Variants in WIPF3 observed in about 807,000 individuals in gnomAD.
The protein encoded by WIPF3 is WAS/WASL-interacting protein family member 3.
Under a neutral mutation model 38.9 loss-of-function variants are expected in WIPF3, and 33 were observed. The observed-to-expected ratio is 0.85, with a 90% CI of 0.64 to 1.14. The LOEUF (loss-of-function observed/expected upper bound fraction) is 1.14, where lower values mean the gene tolerates loss of function less well. Ranked by LOEUF, WIPF3 falls within the 50% of genes most tolerant of loss-of-function variation. WIPF3 has a pLI of 0.00. For missense variants in WIPF3, 711 were observed against 652.5 expected (o/e 1.09, Z -0.98); for synonymous variants, 324 against 269.3 (o/e 1.20, Z -1.99).
chr7:29,876,045 G>T, intron 3 of WIPF3, 83 bp downstream of exon 3: 1 of 1,538,838 alleles, frequency 6.5e-7, no homozygotes, highest in East Asian at 2.3e-5. Flanking sequence ...CCTGGCTGGG[G>T]CCACAGCTGC....
intron 7 of WIPF3, among the ~76,000 whole-genome samples, chr7:29,896,623 A>T (rs565319796): frequency 4.5e-4 from 69 of 151,962 alleles, no homozygotes; most frequent in African/African-American, 1.3e-3. Context: ...CAAAAAAAAA[A>T]TTTTTTTTTA....
At chr7:29,808,540 G>A (rs943489273) in intron 1 of WIPF3, among the ~76,000 whole-genome samples, 1 of 152,180 alleles carries the variant, frequency 6.6e-6, no homozygotes, top group Non-Finnish European at 1.5e-5. Flanking sequence ...ACCTGAATCG[G>A]GGCAGAGCGG....
intron 2 of WIPF3, among the ~76,000 whole-genome samples, chr7:29,841,634 A>G (rs1000779766): frequency 1.3e-5 from 2 of 152,134 alleles, no homozygotes; most frequent in Non-Finnish European, 2.9e-5. Context: ...AACATGGTGA[A>G]ACCCCATCTC....
At chr7:29,898,784 T>C (rs1470832273) in intron 7 of WIPF3, among the ~76,000 whole-genome samples, 1 of 152,226 alleles carries the variant, frequency 6.6e-6, no homozygotes, top group African/African-American at 2.4e-5. Flanking sequence ...CTTTATTTGA[T>C]CAATTTCTTT....
At position 29,879,690 on chromosome 7, in the gene WIPF3, C is replaced by A. The variant is rs79668147; in HGVS notation, c.355+550C>A. Among the ~76,000 whole-genome samples the A allele has an allele frequency of 1.2e-4, 18 of 152,294 alleles. No homozygotes were observed. The East Asian group carries it at 3.5e-3, about 29-fold the overall frequency. The stretch of plus-strand genomic sequence containing the variant: ...ACTGCAGGTTGTGTAGGTAGCTTTG[C>A]TAATCTTATATTTCTCATATTTTTC... On this transcript the variant is annotated intron_variant, in intron 4 of 8. Transcript: ENST00000242140.
At chr7:29,834,622 A>G (rs765294819) in intron 1 of WIPF3, 46 bp from the exon 2 acceptor site, 4 of 1,381,214 alleles carry the variant, frequency 2.9e-6, no homozygotes, top group Middle Eastern at 1.9e-4. Context: ...TCCTGCATGT[A>G]AGTAAAGAAA....
chr7:29,886,433 T>A (rs1354112929), intron 5 of WIPF3, among the ~76,000 whole-genome samples: 2 of 139,226 alleles, frequency 1.4e-5, no homozygotes, highest in African/African-American at 5.3e-5. Context: ...CTCAGCTCAC[T>A]GCAACCTTCG....
chr7:29,884,517 T>G lies in WIPF3; in HGVS notation c.1023T>G (p.Gly341=), dbSNP rs781229843. The G allele has an allele frequency of 2.5e-6, 4 of 1,578,286 alleles. No homozygotes were observed. In the East Asian group the frequency reaches 9.3e-5, roughly 37 times the overall value. The change falls in exon 5 of 9, where the codon GGT becomes GGG. Residue 341 remains glycine (G), a synonymous_variant. Transcript: ENST00000242140. ...TCCAGGCCCCACCGCAGAAGGCCGG[T>G]GCGCAGGCCTTGCCCGCCCCGCCTG... is the stretch of plus-strand genomic sequence containing the variant. ...PSFQAPPQKA[G]AQALPAPPAP...
intron 7 of WIPF3, among the ~76,000 whole-genome samples, chr7:29,890,369 A>G (rs1440227939): frequency 9.9e-5 from 2 of 20,284 alleles, no homozygotes; most frequent in Non-Finnish European, 1.4e-4. Context: ...AAAAAAAAAA[A>G]AAAGAGAGAG....
chr7:29,824,273 C>T (rs1181253628), intron 1 of WIPF3, among the ~76,000 whole-genome samples: 1 of 152,172 alleles, frequency 6.6e-6, no homozygotes, highest in Admixed American at 6.6e-5. Flanking sequence ...CATGCCACTG[C>T]ACTCTAGCCT....
At chr7:29,848,877 T>A (rs1785045436) in intron 2 of WIPF3, among the ~76,000 whole-genome samples, 1 of 152,112 alleles carries the variant, frequency 6.6e-6, no homozygotes, top group African/African-American at 2.4e-5. Context: ...ATTGTACTAC[T>A]CACATCACGT....
At chr7:29,813,245 T>G (rs1312645455) in intron 1 of WIPF3, among the ~76,000 whole-genome samples, 2 of 152,364 alleles carry the variant, frequency 1.3e-5, no homozygotes, top group Admixed American at 6.5e-5. Context: ...CAAATTGATA[T>G]ACCTGTTTGC....
At chr7:29,827,517 A>G (rs1784635270) in intron 1 of WIPF3, among the ~76,000 whole-genome samples, 2 of 152,084 alleles carry the variant, frequency 1.3e-5, no homozygotes, top group African/African-American at 4.8e-5. Flanking sequence ...GTGGGCTGCT[A>G]TCTCCTGGCC....
At chr7:29,830,003 G>C (rs1486495313) in intron 1 of WIPF3, among the ~76,000 whole-genome samples, 2 of 152,130 alleles carry the variant, frequency 1.3e-5, no homozygotes, top group Non-Finnish European at 2.9e-5. Context: ...GCCTCGAAGA[G>C]CTCTTGCGTG....
At chr7:29,809,052 C>G (rs181624805) in intron 1 of WIPF3, among the ~76,000 whole-genome samples, 47 of 152,226 alleles carry the variant, frequency 3.1e-4, no homozygotes, top group Admixed American at 1.2e-3. Flanking sequence ...AATGTGTTTT[C>G]TAGCAAATGT....
chr7:29,825,239 A>T (rs1022974928), intron 1 of WIPF3, among the ~76,000 whole-genome samples: 4 of 152,208 alleles, frequency 2.6e-5, no homozygotes, highest in Non-Finnish European at 5.9e-5. Flanking sequence ...GCTGGGCTTA[A>T]TACCTAGATG....
At chr7:29,835,019 C>T (rs889803019) in intron 2 of WIPF3, among the ~76,000 whole-genome samples, 1 of 151,988 alleles carries the variant, frequency 6.6e-6, no homozygotes, top group African/African-American at 2.4e-5. Flanking sequence ...TCGGCAGCTT[C>T]CACCTCCACC....
At chr7:29,887,038 T>C (rs1452519200) in intron 5 of WIPF3, among the ~76,000 whole-genome samples, 1 of 152,166 alleles carries the variant, frequency 6.6e-6, no homozygotes, top group African/African-American at 2.4e-5. Context: ...GAAAAGAAGA[T>C]GAGCAGATGC....
intron 2 of WIPF3, among the ~76,000 whole-genome samples, chr7:29,851,062 A>T (rs987902625): frequency 5.9e-5 from 9 of 152,130 alleles, no homozygotes; most frequent in Non-Finnish European, 1.0e-4. Context: ...GCATCTCGGG[A>T]TGGTGCTCAG....
Sources: allele counts gnomAD v4.1 joint callset (sites outside exome capture counted in the v4.1 genomes callset), GRCh38; gene constraint gnomAD v4.1.1; transcripts MANE v1.5; gene names NCBI Gene and HGNC (gene_info 2026-07-23, HGNC 2026-07-21).